The following PARN variants were observed in gnomAD, a reference collection of about 807,000 sequenced individuals.
PARN encodes the protein poly(A)-specific ribonuclease PARN.
PARN carries 71 observed loss-of-function variants against 102.8 expected under a neutral mutation model. That is an observed-to-expected ratio of 0.69 (90% CI 0.57 to 0.84). The LOEUF is 0.84. Among genes scored for constraint, PARN ranks in the 40% least tolerant of loss-of-function variants. The pLI, the probability that PARN is intolerant of heterozygous loss-of-function variation, is 0.00. For synonymous variants in PARN, 261 were observed against 252.9 expected, an observed-to-expected ratio of 1.03 and a Z score of -0.30; for missense variants, 782 against 760.9, an observed-to-expected ratio of 1.03 and a Z score of -0.33.
At chr16:14,462,821 C>A (rs1418386801) in intron 22 of PARN, among the ~76,000 whole-genome samples, 2 of 152,158 alleles carry the variant, frequency 1.3e-5, no homozygotes, top group African/African-American at 4.8e-5. Flanking sequence ...ACCTACCCAG[C>A]CAAAACAACC....
At chr16:14,581,060 T>TC in intron 17 of PARN, 117 bp from the exon 18 acceptor site, 2 of 449,516 alleles carry the variant, frequency 4.4e-6, no homozygotes, top group Non-Finnish European at 8.1e-6. Flanking sequence ...AAAGGTATTC[T>TC]TTTTTTTTTG....
At chr16:14,525,247 A>G (rs1965934653) in intron 21 of PARN, among the ~76,000 whole-genome samples, 1 of 152,160 alleles carries the variant, frequency 6.6e-6, no homozygotes, top group South Asian at 2.1e-4. Context: ...AAGAAATGAA[A>G]CAGATGACTC....
intron 20 of PARN, among the ~76,000 whole-genome samples, chr16:14,552,634 C>T (rs1967379913): frequency 6.6e-6 from 1 of 152,126 alleles, no homozygotes; most frequent in Non-Finnish European, 1.5e-5. Context: ...CACCACCATG[C>T]TTACACATAA....
intron 18 of PARN, among the ~76,000 whole-genome samples, chr16:14,578,331 C>CAAA (rs1199897215): frequency 0.025 from 1,134 of 44,750 alleles, 21 homozygotes; most frequent in Middle Eastern, 0.054. Context: ...TCTGTCTCAC[C>CAAA]AAAAAAAAAA....
At chr16:14,446,300 C>T (rs1182348625) in intron 23 of PARN, among the ~76,000 whole-genome samples, 1 of 152,184 alleles carries the variant, frequency 6.6e-6, no homozygotes, top group Non-Finnish European at 1.5e-5. Context: ...GCACACTTAG[C>T]CTCGCTGAGC....
intron 21 of PARN, among the ~76,000 whole-genome samples, chr16:14,530,170 C>T (rs1300986083): frequency 1.3e-5 from 2 of 152,200 alleles, no homozygotes; most frequent in African/African-American, 2.4e-5. Flanking sequence ...TCACGACATC[C>T]TTCTCTTGGT....
intron 21 of PARN, among the ~76,000 whole-genome samples, chr16:14,531,294 A>T (rs1966314904): frequency 6.6e-6 from 1 of 152,032 alleles, no homozygotes; most frequent in South Asian, 2.1e-4. Flanking sequence ...GCAGGGAGGC[A>T]GAGGTTGCAG....
At chr16:14,615,353 T>TA (rs1402739795) in intron 6 of PARN, among the ~76,000 whole-genome samples, 3 of 150,796 alleles carry the variant, frequency 2.0e-5, no homozygotes, top group African/African-American at 7.3e-5. Flanking sequence ...GAGTACCAGA[T>TA]AAAGTGGTTC....
At chr16:14,454,599 A>T (rs1394212432) in intron 22 of PARN, among the ~76,000 whole-genome samples, 3 of 152,210 alleles carry the variant, frequency 2.0e-5, no homozygotes, top group Non-Finnish European at 2.9e-5. Flanking sequence ...GTGGTGTAAC[A>T]TAAGAACAGA....
chr16:14,600,519 A>G (rs568989434), intron 11 of PARN, among the ~76,000 whole-genome samples: 71 of 152,194 alleles, frequency 4.7e-4, no homozygotes, highest in African/African-American at 1.6e-3. Flanking sequence ...AAGATCTCTC[A>G]GACTACTGCC....
intron 23 of PARN, among the ~76,000 whole-genome samples, chr16:14,439,420 CAGGGAGGG>C (rs1169306325): frequency 1.4e-5 from 1 of 71,634 alleles, no homozygotes; most frequent in African/African-American, 5.4e-5. Flanking sequence ...GGAAAGAAGA[CAGGGAGGG>C]AGGGAGGGAG....
At chr16:14,549,181 G>A (rs1967145074) in intron 21 of PARN, among the ~76,000 whole-genome samples, 1 of 152,140 alleles carries the variant, frequency 6.6e-6, no homozygotes, top group African/African-American at 2.4e-5. Context: ...TTTGTTAAGA[G>A]TTGTCTTTTG....
At chr16:14,599,070 GGTCT>G (rs1409074289) in intron 12 of PARN, among the ~76,000 whole-genome samples, 2 of 139,904 alleles carry the variant, frequency 1.4e-5, no homozygotes, top group African/African-American at 2.7e-5. Context: ...TTGGAGACAG[GGTCT>G]GTCTGTCACC....
chr16:14,495,912 G>A (rs1028792873), intron 21 of PARN, among the ~76,000 whole-genome samples: 1 of 152,270 alleles, frequency 6.6e-6, no homozygotes. Flanking sequence ...AAGAGGGGTC[G>A]AGGTCAGGGG....
intron 21 of PARN, among the ~76,000 whole-genome samples, chr16:14,508,486 A>C (rs972459948): frequency 2.0e-5 from 3 of 152,176 alleles, no homozygotes; most frequent in Admixed American, 6.6e-5. Flanking sequence ...TATTATAGTG[A>C]CCTGATTTAG....
intron 21 of PARN, among the ~76,000 whole-genome samples, chr16:14,542,013 A>AC (rs1023025899): frequency 2.0e-5 from 3 of 149,612 alleles, no homozygotes; most frequent in Non-Finnish European, 3.0e-5. Context: ...TTAGAGAATG[A>AC]TTTTTTTTTG....
At chr16:14,457,797 CAAAAAAAAAAAAAA>C (rs35170336) in intron 22 of PARN, among the ~76,000 whole-genome samples, 200 of 30,164 alleles carry the variant, frequency 6.6e-3, no homozygotes, top group African/African-American at 0.03. Flanking sequence ...GACTCTGTCT[CAAAAAAAAAAAAAA>C]AAAAAAAAAA....
At chr16:14,617,159 C>T (rs1240073843) in intron 6 of PARN, among the ~76,000 whole-genome samples, 3 of 150,030 alleles carry the variant, frequency 2.0e-5, no homozygotes, top group Non-Finnish European at 4.4e-5. Context: ...CCAAGGTGGG[C>T]AGATCACGAG....
chr16:14,604,006 G>C, intron 11 of PARN, 140 bp downstream of exon 11: 1 of 699,924 alleles, frequency 1.4e-6, no homozygotes, highest in East Asian at 2.7e-5. Context: ...TCTAGTCCAG[G>C]TTTTTCTGCC....
Sources: allele counts gnomAD v4.1 joint callset (sites outside exome capture counted in the v4.1 genomes callset), GRCh38; gene constraint gnomAD v4.1.1; transcripts MANE v1.5; gene names NCBI Gene and HGNC (gene_info 2026-07-23, HGNC 2026-07-21).